RNF111: variants seen among roughly 807,000 people sequenced by gnomAD.
RNF111 encodes the protein E3 ubiquitin-protein ligase Arkadia.
Under a neutral mutation model 95.1 loss-of-function variants are expected in RNF111, and 17 were observed. The ratio of observed to expected loss-of-function variants is 0.18; its 90% CI spans 0.12 to 0.27. The LOEUF is 0.27. Ranked by LOEUF, RNF111 falls within the 10% of genes least tolerant of loss-of-function variation. RNF111 has a pLI of 1.00. For missense variants in RNF111, 1,189 were observed against 1,210.4 expected (o/e 0.98, Z 0.26); for synonymous variants, 440 against 414.8 (o/e 1.06, Z -0.74).
intron 5 of RNF111, 68 bp downstream of exon 5, chr15:59,058,618 T>C: frequency 7.2e-7 from 1 of 1,398,324 alleles, no homozygotes; most frequent in Non-Finnish European, 1.0e-6. Context: ...ATTATTGTTT[T>C]TAAGTCTAAG....
intron 8 of RNF111, among the ~76,000 whole-genome samples, chr15:59,081,563 T>A (rs1814276765): frequency 6.6e-6 from 1 of 152,040 alleles, no homozygotes; most frequent in Admixed American, 6.5e-5. Context: ...AGAAATAATG[T>A]AACTTGTAAC....
intron 5 of RNF111, among the ~76,000 whole-genome samples, chr15:59,060,785 CATTATT>C (rs3052989): frequency 6.1e-5 from 9 of 146,816 alleles, no homozygotes; most frequent in Admixed American, 1.4e-4. Context: ...CTTTATGTAG[CATTATT>C]ATTATTATTA....
At chr15:59,009,109 C>T (rs1295235142) in intron 1 of RNF111, among the ~76,000 whole-genome samples, 3 of 152,084 alleles carry the variant, frequency 2.0e-5, no homozygotes, top group Non-Finnish European at 4.4e-5. Flanking sequence ...ATAGGTGCAC[C>T]ACCATGTCCA....
chr15:59,021,357 G>T (rs1288224981), intron 1 of RNF111, among the ~76,000 whole-genome samples: 1 of 152,036 alleles, frequency 6.6e-6, no homozygotes, highest in African/African-American at 2.4e-5. Flanking sequence ...TGTTATGTTG[G>T]CCAGGCTGGT....
In RNF111 at chr15:59,000,708, CAAA is replaced by C. The variant is rs35056899; in HGVS notation, c.-20+12654_-20+12656del. Among the ~76,000 whole-genome samples the C allele has an allele frequency of 1.1e-3, 100 of 90,140 alleles. 1 individual carries two copies. Among genetic ancestry groups the C allele is most frequent in the African/African-American group, 3.4e-3 (79 of 23,372 alleles). The allele number at this position is 90,140 out of a possible 152,430, so 59.1% of individuals were successfully genotyped here. A position where few individuals can be genotyped will look rare whatever the true frequency, so the allele number is the denominator to read the frequency against. On this transcript the variant is annotated intron_variant, in intron 1 of 13. Transcript: ENST00000348370. The stretch of plus-strand genomic sequence containing the variant: ...TGGGTGACAGAGCTGAACTCCGTCT[CAAA>C]AAAAAAAAAAAAAGATAACTGCTGC...
At chr15:59,047,163 T>G (rs1210856227) in intron 2 of RNF111, among the ~76,000 whole-genome samples, 3 of 152,070 alleles carry the variant, frequency 2.0e-5, no homozygotes, top group Non-Finnish European at 4.4e-5. Context: ...AAAGCTCAGA[T>G]TAAACATGGA....
Position 59,081,276 on chromosome 15 carries a change from G to C in RNF111, c.2289G>C (p.Gln763His), listed in dbSNP as rs762571244. ...RMEVQRRRMMQHPTRAHERPP... is the reference protein window; with the variant it reads ...RMEVQRRRMMHHPTRAHERPP... The stretch of plus-strand genomic sequence containing the variant: ...AAGTTCAAAGGAGGAGGATGATGCA[G>C]CATCCAACGTATGTTTTACGTTTTT... The change falls in exon 8 of 14, where the codon CAG becomes CAC. Residue 763 changes from glutamine to histidine, a missense_variant. Transcript: ENST00000348370. 18 of 1,611,854 alleles carry C rather than the reference G, an allele frequency of 1.1e-5. No homozygotes were observed. Among genetic ancestry groups the C allele is most frequent in the Non-Finnish European group, 1.4e-5 (17 of 1,178,210 alleles).
At chr15:59,056,845 CTT>C (rs1190592974) in intron 4 of RNF111, among the ~76,000 whole-genome samples, 3 of 152,088 alleles carry the variant, frequency 2.0e-5, no homozygotes, top group Non-Finnish European at 4.4e-5. Context: ...ATTTTGGAAA[CTT>C]TTTGTGTTCC....
At chr15:59,022,398 C>T (rs1276144585) in intron 1 of RNF111, among the ~76,000 whole-genome samples, 1 of 152,172 alleles carries the variant, frequency 6.6e-6, no homozygotes, top group Non-Finnish European at 1.5e-5. Context: ...TTCCTCTTTA[C>T]CTGTCAGAGG....
intron 1 of RNF111, among the ~76,000 whole-genome samples, chr15:59,022,868 G>T (rs1230725220): frequency 3.9e-5 from 6 of 152,210 alleles, no homozygotes; most frequent in African/African-American, 1.4e-4. Context: ...GAAAAGTAAG[G>T]AGAAATTCTC....
Position 59,083,577 on chromosome 15 carries a change from C to G in RNF111, c.2298-552C>G, listed in dbSNP as rs146861234. Among the ~76,000 whole-genome samples, 313 of 151,804 alleles carry G rather than the reference C, an allele frequency of 2.1e-3. 3 individuals carry two copies. Among genetic ancestry groups the G allele is most frequent in the Admixed American group, 0.011 (161 of 15,252 alleles). ...ATGAATCAAGCTAAATACACGTTTC[C>G]TAGGTGTGTTAACTTGTATTACATG... is the stretch of plus-strand genomic sequence containing the variant. On this transcript the variant is annotated intron_variant, in intron 8 of 13. Coordinates refer to ENST00000348370, the MANE Select transcript of RNF111 (RefSeq NM_017610.8).
At chr15:59,039,818 G>A (rs1448267995) in intron 2 of RNF111, among the ~76,000 whole-genome samples, 1 of 151,886 alleles carries the variant, frequency 6.6e-6, no homozygotes, top group Non-Finnish European at 1.5e-5. Context: ...CCAGGTTCAA[G>A]CGATTCCCCT....
chr15:59,000,650 A>C (rs1179409737), intron 1 of RNF111, among the ~76,000 whole-genome samples: 1 of 151,512 alleles, frequency 6.6e-6, no homozygotes, highest in African/African-American at 2.4e-5. Flanking sequence ...CAGATGTTTC[A>C]GTGAGCCAAG....
At chr15:59,031,953 T>C (rs2040931345) in intron 2 of RNF111, among the ~76,000 whole-genome samples, 1 of 152,162 alleles carries the variant, frequency 6.6e-6, no homozygotes, top group African/African-American at 2.4e-5. Flanking sequence ...ACTTTTTTTT[T>C]TCTGAAACAG....
At chr15:59,049,379 T>C in intron 2 of RNF111, 1 of 149,870 alleles carries the variant, frequency 6.7e-6, no homozygotes, top group Non-Finnish European at 1.5e-5. Context: ...TTTTTTTTTT[T>C]TTTTTTTGGC....
intron 1 of RNF111, among the ~76,000 whole-genome samples, chr15:58,994,033 A>ATT (rs371453519): frequency 0.12 from 12,335 of 102,940 alleles, 1,056 homozygotes; most frequent in East Asian, 0.29. Flanking sequence ...TGTTACTTAA[A>ATT]TTTTTTTTTT....
chr15:59,029,385 C>A (rs1446502187), intron 1 of RNF111, among the ~76,000 whole-genome samples: 4 of 152,130 alleles, frequency 2.6e-5, no homozygotes, highest in Non-Finnish European at 5.9e-5. Flanking sequence ...TCTTTGTATT[C>A]CTGGTTTATC....
chr15:59,093,369 T>TTTTTTGG, intron 13 of RNF111: 2 of 422,566 alleles, frequency 4.7e-6, no homozygotes, highest in Non-Finnish European at 9.2e-6. Flanking sequence ...TTTCCTTTTC[T>TTTTTTGG]GGGAGATGGT....
chr15:59,021,081 C>T (rs1393490672), intron 1 of RNF111, among the ~76,000 whole-genome samples: 2 of 152,080 alleles, frequency 1.3e-5, no homozygotes, highest in Admixed American at 6.6e-5. Context: ...TCCACCCTTT[C>T]CCCCAAAGTC....
Sources: gnomAD v4.1 joint callset for allele counts (sites outside exome capture counted in the v4.1 genomes callset) on GRCh38, gnomAD v4.1.1 for gene constraint, MANE v1.5 for transcripts, NCBI Gene and HGNC (gene_info 2026-07-23, HGNC 2026-07-21) for gene names.